NKAIN2: variants seen among roughly 807,000 people sequenced by gnomAD.
The protein encoded by NKAIN2 is sodium/potassium transporting ATPase interacting 2, also known as sodium/potassium-transporting ATPase subunit beta-1-interacting protein 2.
Under a neutral mutation model 32.6 loss-of-function variants are expected in NKAIN2, and 14 were observed. The ratio of observed to expected loss-of-function variants is 0.43; its 90% CI spans 0.28 to 0.67. The LOEUF (loss-of-function observed/expected upper bound fraction) is 0.67, where lower values mean the gene tolerates loss of function less well. Ranked by LOEUF, NKAIN2 falls within the 30% of genes least tolerant of loss-of-function variation. The pLI, the probability that NKAIN2 is intolerant of heterozygous loss-of-function variation, is 0.17. For synonymous variants in NKAIN2, 80 were observed against 87.2 expected, an observed-to-expected ratio of 0.92 and a Z score of 0.46; for missense variants, 198 against 258.3, an observed-to-expected ratio of 0.77 and a Z score of 1.60.
At chr6:123,911,961 A>C (rs1358394107) in intron 1 of NKAIN2, among the ~76,000 whole-genome samples, 1 of 150,954 alleles carries the variant, frequency 6.6e-6, no homozygotes, top group Non-Finnish European at 1.5e-5. Context: ...TTTTGGACTA[A>C]AGTTTATGGT....
chr6:124,245,483 A>C (rs979211727), intron 1 of NKAIN2, among the ~76,000 whole-genome samples: 1 of 152,136 alleles, frequency 6.6e-6, no homozygotes, highest in South Asian at 2.1e-4. Flanking sequence ...TAGCTACTAC[A>C]GGTTACTAGA....
intron 1 of NKAIN2, among the ~76,000 whole-genome samples, chr6:123,850,616 T>C (rs1415760027): frequency 6.6e-6 from 1 of 152,200 alleles, no homozygotes; most frequent in African/African-American, 2.4e-5. Context: ...TTAAATGTAG[T>C]TTTAATTGAC....
At chr6:124,820,814 G>A (rs969728970) in intron 6 of NKAIN2, among the ~76,000 whole-genome samples, 1 of 152,070 alleles carries the variant, frequency 6.6e-6, no homozygotes, top group Non-Finnish European at 1.5e-5. Context: ...TCTAGGTTTT[G>A]TGATCCTTAT....
In NKAIN2 at chr6:124,149,754, G is replaced by A. The variant is rs1787604981; in HGVS notation, c.55-133251G>A. On this transcript the variant is annotated intron_variant, in intron 1 of 6. Transcript: ENST00000368417. Reference sequence around the variant, plus strand: ...ACCCCGATTTTGTTCTTTTTTGCCGGGTCTGTCCTGCAGACCCTGGCTGAT... The same window carrying A: ...ACCCCGATTTTGTTCTTTTTTGCCGAGTCTGTCCTGCAGACCCTGGCTGAT... Among the ~76,000 whole-genome samples, 4 of 151,970 alleles carry A rather than the reference G, an allele frequency of 2.6e-5. 1 individual carries two copies. The highest frequency in any genetic ancestry group is 2.6e-4 in the Admixed American group (4 of 15,238).
intron 3 of NKAIN2, among the ~76,000 whole-genome samples, chr6:124,369,449 C>T (rs1293920686): frequency 6.6e-6 from 1 of 152,138 alleles, no homozygotes; most frequent in Non-Finnish European, 1.5e-5. Context: ...GTCCAATCCA[C>T]AGCCTGCAAG....
chr6:124,738,281 G>A (rs1423824171), intron 4 of NKAIN2, among the ~76,000 whole-genome samples: 2 of 151,536 alleles, frequency 1.3e-5, no homozygotes, highest in African/African-American at 4.8e-5. Flanking sequence ...AAATAAATAA[G>A]CCAAGATAGT....
chr6:123,975,066 T>C (rs931596810), intron 1 of NKAIN2, among the ~76,000 whole-genome samples: 1 of 152,264 alleles, frequency 6.6e-6, no homozygotes, highest in South Asian at 2.1e-4. Flanking sequence ...ACTTTATAGA[T>C]AGAAGGAGAA....
At chr6:124,379,131 GA>G (rs1800121185) in intron 3 of NKAIN2, among the ~76,000 whole-genome samples, 8 of 70,952 alleles carry the variant, frequency 1.1e-4, no homozygotes, top group Non-Finnish European at 1.5e-4. Context: ...GGGAGGGGAG[GA>G]GAGGGGAGGG....
At chr6:123,929,243 A>G (rs1471119965) in intron 1 of NKAIN2, among the ~76,000 whole-genome samples, 1 of 152,190 alleles carries the variant, frequency 6.6e-6, no homozygotes, top group Non-Finnish European at 1.5e-5. Context: ...TAACTGCATG[A>G]TTGATATGCT....
rs559952773 is a variant in NKAIN2 at position 123,993,367 on chromosome 6, G to T, written c.54+189113G>T. 7.2e-5 allele frequency among the ~76,000 whole-genome samples: 11 copies of T among 152,176 alleles called. No individual in the cohort carries two copies. The South Asian group carries it at 2.3e-3, about 32-fold the overall frequency. ...CATTTCAGCAGCCTGATTATCATTA[G>T]ATGAACATCAATATCAATTTATAAA... On this transcript the variant is annotated intron_variant, in intron 1 of 6. Coordinates refer to ENST00000368417, the MANE Select transcript of NKAIN2 (RefSeq NM_001040214.3).
chr6:123,884,739 A>G (rs1773632344), intron 1 of NKAIN2, among the ~76,000 whole-genome samples: 1 of 152,104 alleles, frequency 6.6e-6, no homozygotes, highest in African/African-American at 2.4e-5. Flanking sequence ...TCCACTGGTC[A>G]TGATACTAGA....
chr6:124,097,725 G>A (rs960084795), intron 1 of NKAIN2, among the ~76,000 whole-genome samples: 2 of 152,130 alleles, frequency 1.3e-5, no homozygotes, highest in Non-Finnish European at 2.9e-5. Context: ...GAATGTTGAC[G>A]CATAAATTGG....
At chr6:124,238,544 C>T (rs1319903777) in intron 1 of NKAIN2, among the ~76,000 whole-genome samples, 1 of 151,974 alleles carries the variant, frequency 6.6e-6, no homozygotes, top group African/African-American at 2.4e-5. Context: ...GCTTGGAAAA[C>T]AGGATGACTG....
intron 3 of NKAIN2, among the ~76,000 whole-genome samples, chr6:124,363,885 A>G (rs1799401714): frequency 6.6e-6 from 1 of 152,180 alleles, no homozygotes; most frequent in Non-Finnish European, 1.5e-5. Flanking sequence ...GAAAGAATGT[A>G]ATGATTGAAA....
chr6:124,738,858 T>C (rs552415513), intron 4 of NKAIN2, among the ~76,000 whole-genome samples: 1 of 152,042 alleles, frequency 6.6e-6, no homozygotes, highest in East Asian at 1.9e-4. Context: ...TATGAGAAAG[T>C]GATTCACAAC....
chr6:124,255,800 C>T (rs1307965610), intron 1 of NKAIN2, among the ~76,000 whole-genome samples: 1 of 152,184 alleles, frequency 6.6e-6, no homozygotes, highest in Non-Finnish European at 1.5e-5. Context: ...GGATGCTTGC[C>T]TTAAAATATG....
chr6:124,341,676 A>G (rs928264848), intron 2 of NKAIN2, among the ~76,000 whole-genome samples: 2 of 152,360 alleles, frequency 1.3e-5, no homozygotes, highest in South Asian at 4.1e-4. Flanking sequence ...GATCTGCAGC[A>G]TAATCTATGA....
At chr6:124,210,772 A>T (rs1395862297) in intron 1 of NKAIN2, among the ~76,000 whole-genome samples, 2 of 151,458 alleles carry the variant, frequency 1.3e-5, no homozygotes, top group South Asian at 4.2e-4. Flanking sequence ...TAGAAATGCT[A>T]CTGATTTTTG....
chr6:124,615,203 C>T (rs1782841212), intron 3 of NKAIN2, among the ~76,000 whole-genome samples: 1 of 152,122 alleles, frequency 6.6e-6, no homozygotes, highest in South Asian at 2.1e-4. Flanking sequence ...ATATATCCCC[C>T]TTTATAAAAT....
Sources: gnomAD v4.1 joint callset for allele counts (sites outside exome capture counted in the v4.1 genomes callset) on GRCh38, gnomAD v4.1.1 for gene constraint, MANE v1.5 for transcripts, NCBI Gene and HGNC (gene_info 2026-07-23, HGNC 2026-07-21) for gene names.